RYR3: variants seen among roughly 807,000 people sequenced by gnomAD.
The protein encoded by RYR3 is brain ryanodine receptor-calcium release channel.
RYR3 carries 207 observed loss-of-function variants against 584.3 expected under a neutral mutation model. The observed-to-expected ratio is 0.35, with a 90% confidence interval of 0.32 to 0.40. The LOEUF (loss-of-function observed/expected upper bound fraction) is 0.40. Among genes scored for constraint, RYR3 ranks in the 10% least tolerant of loss-of-function variants. RYR3 has a pLI of 1.00. For missense variants in RYR3, 5,616 were observed against 6,089.2 expected (o/e 0.92, Z 2.59); for synonymous variants, 2,416 against 2,248.5 (o/e 1.07, Z -2.11).
intron 38 of RYR3, among the ~76,000 whole-genome samples, chr15:33,673,478 T>A (rs1395173458): frequency 6.6e-6 from 1 of 152,228 alleles, no homozygotes; most frequent in Non-Finnish European, 1.5e-5. Context: ...GATCAAATGA[T>A]AATGAACAAG....
intron 43 of RYR3, among the ~76,000 whole-genome samples, chr15:33,709,291 CTT>C (rs1222663088): frequency 6.6e-6 from 1 of 151,956 alleles, no homozygotes; most frequent in Non-Finnish European, 1.5e-5. Context: ...AGAGGGGAAA[CTT>C]ATATCTTATT....
intron 1 of RYR3, among the ~76,000 whole-genome samples, chr15:33,349,954 A>G (rs1272012383): frequency 1.3e-5 from 2 of 151,878 alleles, no homozygotes; most frequent in East Asian, 1.9e-4. Flanking sequence ...ATAGTATTCC[A>G]TGGTGTATAT....
Position 33,827,222 on chromosome 15 carries a change from C to G in RYR3, c.11269C>G (p.Gln3757Glu). The change falls in exon 85 of 104, where the codon CAG becomes GAG. Residue 3757 changes from glutamine (Q) to glutamate (E), a missense_variant. By Grantham distance (29) the Gln-to-Glu change is conservative (BLOSUM62 2). Around this residue, in one of 9 missense-constraint regions of RYR3, gnomAD observed 954 missense variants for 1,132.2 expected, o/e 0.84. Coordinates refer to ENST00000634891, the MANE Select transcript of RYR3 (RefSeq NM_001036.6). ...AGACTTTCAGAACTTCCTGCGGACT[C>G]AGATGGGCAACACCACCACCGTGAA... ...NSDFQNFLRT[Q>E]MGNTTTVNVI... 1 of 1,552,054 alleles carries G rather than the reference C, an allele frequency of 6.4e-7. No individual in the cohort carries two copies. The highest frequency in any genetic ancestry group is 8.7e-7 in the Non-Finnish European group (1 of 1,147,266).
At chr15:33,853,162 C>G in intron 95 of RYR3, 75 bp downstream of exon 95, 1 of 1,216,750 alleles carries the variant, frequency 8.2e-7, no homozygotes, top group African/African-American at 1.5e-5. Flanking sequence ...TCTCCACATA[C>G]AAACATGAGT....
chr15:33,536,705 G>A (rs372092437), intron 5 of RYR3, among the ~76,000 whole-genome samples: 1 of 152,194 alleles, frequency 6.6e-6, no homozygotes, highest in African/African-American at 2.4e-5. Flanking sequence ...TCTTTGTCAT[G>A]TCATGTTTAG....
intron 12 of RYR3, among the ~76,000 whole-genome samples, chr15:33,571,093 T>G (rs1476139818): frequency 7.0e-6 from 1 of 143,682 alleles, no homozygotes; most frequent in East Asian, 2.2e-4. Context: ...GGCTGGAACA[T>G]CCACTACAAT....
At position 33,310,987 on chromosome 15, in the gene RYR3, C is replaced by G; in HGVS notation, c.-59C>G. ...GCAGCAGCAGTCAGCGCACGCCGAG[C>G]GGCTGCCGGGGGAAGCAGAGGCGCC... On this transcript the variant is annotated 5_prime_UTR_variant, in exon 1 of 104. Coordinates refer to ENST00000634891, the MANE Select transcript of RYR3 (RefSeq NM_001036.6). 2 of 1,376,802 alleles carry G rather than the reference C, an allele frequency of 1.5e-6. No homozygotes were observed. The highest frequency in any genetic ancestry group is 2.0e-6 in the Non-Finnish European group (2 of 992,734). 85.3% of individuals were successfully genotyped at this position (1,376,802 alleles called of 1,614,324 possible). A position where few individuals can be genotyped will look rare whatever the true frequency, so the allele number is the denominator to read the frequency against.
chr15:33,770,753 A>G (rs2073504000), intron 62 of RYR3, among the ~76,000 whole-genome samples: 1 of 152,192 alleles, frequency 6.6e-6, no homozygotes, highest in South Asian at 2.1e-4. Context: ...AAAGTTAGAA[A>G]GATAGCCCAT....
chr15:33,847,394 G>A (rs1445426847), intron 93 of RYR3, among the ~76,000 whole-genome samples: 1 of 152,204 alleles, frequency 6.6e-6, no homozygotes, highest in East Asian at 1.9e-4. Flanking sequence ...TCTCAAGGAT[G>A]TTGCCAAGTA....
At chr15:33,425,995 T>C (rs1009346200) in intron 1 of RYR3, among the ~76,000 whole-genome samples, 5 of 152,188 alleles carry the variant, frequency 3.3e-5, no homozygotes, top group African/African-American at 1.2e-4. Flanking sequence ...GTTCCTACAT[T>C]GTTTGTAATT....
chr15:33,547,473 T>C (rs1339453134), intron 8 of RYR3, among the ~76,000 whole-genome samples: 1 of 152,186 alleles, frequency 6.6e-6, no homozygotes, highest in Non-Finnish European at 1.5e-5. Context: ...GATGATAACA[T>C]TGGGAGAAGC....
rs531174811 is a variant in RYR3 at position 33,665,205 on chromosome 15, C to T, written c.5619+1468C>T. Among the ~76,000 whole-genome samples, 9 of 152,312 alleles carry T rather than the reference C, an allele frequency of 5.9e-5. No homozygotes were observed. In the South Asian group the frequency reaches 1.9e-3, roughly 32 times the overall value. On this transcript the variant is annotated intron_variant, in intron 36 of 103. Coordinates refer to ENST00000634891, the MANE Select transcript of RYR3 (RefSeq NM_001036.6). ...ATACAATGACATGGTGATGGTAACA[C>T]ATGTTGGCCTTGGGCTGTGGGTTCC...
chr15:33,749,635 C>T (rs574407112), intron 55 of RYR3, among the ~76,000 whole-genome samples: 5 of 152,288 alleles, frequency 3.3e-5, no homozygotes, highest in East Asian at 1.9e-4. Flanking sequence ...CCCAACTCCC[C>T]GTCTGAGGTC....
intron 66 of RYR3, among the ~76,000 whole-genome samples, chr15:33,787,536 AC>A (rs2074811156): frequency 1.6e-5 from 1 of 62,406 alleles, no homozygotes; most frequent in Non-Finnish European, 3.8e-5. Flanking sequence ...AAAAACAAAA[AC>A]AAACAAACAA....
rs1368427700 is a variant in RYR3 at position 33,623,850 on chromosome 15, C to T, written c.2401C>T (p.Leu801=). Residue 801 remains leucine (L), a synonymous_variant, in exon 20 of 104, where the codon CTG becomes TTG. Transcript: ENST00000634891. ...TGGACGTCATGGAGAGTTTAAGTTC[C>T]TGCCTCCCTCTGGCTATGCCCCTTG... is the stretch of plus-strand genomic sequence containing the variant. ...MGGRHGEFKF[L]PPSGYAPCYE... is the part of the protein sequence containing the mutation. 6.2e-7 allele frequency: 1 copy of T among 1,613,514 alleles called. No individual in the cohort carries two copies. The highest frequency in any genetic ancestry group is 1.3e-5 in the African/African-American group (1 of 74,854).
At chr15:33,320,879 A>G (rs558678941) in intron 1 of RYR3, among the ~76,000 whole-genome samples, 4 of 152,320 alleles carry the variant, frequency 2.6e-5, no homozygotes, top group Non-Finnish European at 5.9e-5. Flanking sequence ...CAGTCATTTT[A>G]TTATTGGAAA....
chr15:33,480,808 A>AT (rs943574475), intron 2 of RYR3, among the ~76,000 whole-genome samples: 23 of 152,210 alleles, frequency 1.5e-4, no homozygotes, highest in Non-Finnish European at 3.1e-4. Flanking sequence ...TCTTGAAAAC[A>AT]TGGTGTGTCC....
intron 2 of RYR3, among the ~76,000 whole-genome samples, chr15:33,494,735 C>T (rs1375616680): frequency 6.6e-6 from 1 of 152,188 alleles, no homozygotes. Context: ...CTTTTGTTAG[C>T]AGTGTCTAAA....
intron 2 of RYR3, among the ~76,000 whole-genome samples, chr15:33,494,718 A>G (rs2051268952): frequency 6.6e-6 from 1 of 152,216 alleles, no homozygotes; most frequent in South Asian, 2.1e-4. Flanking sequence ...CTGTGTACAT[A>G]TAATTGCTTT....
Sources: allele counts gnomAD v4.1 joint callset (sites outside exome capture counted in the v4.1 genomes callset), GRCh38; gene constraint gnomAD v4.1.1; regional missense constraint gnomAD v4.1.1; transcripts MANE v1.5; gene names NCBI Gene and HGNC (gene_info 2026-07-23, HGNC 2026-07-21).